CCL28: variants seen among roughly 807,000 people sequenced by gnomAD.
The protein encoded by CCL28 is C-C motif chemokine 28.
In CCL28, 4 loss-of-function variants were observed where a neutral mutation model predicts 7.1. That is an observed-to-expected ratio of 0.56 (90% CI 0.28 to 1.29). CCL28 has a LOEUF of 1.29. Ranked by LOEUF, CCL28 falls within the 50% of genes most tolerant of loss-of-function variation. CCL28 has a pLI of 0.11. For missense variants in CCL28, 151 were observed against 163.4 expected (o/e 0.92, Z 0.41); for synonymous variants, 55 against 57.8 (o/e 0.95, Z 0.22).
downstream of CCL28, among the ~76,000 whole-genome samples, chr5:43,371,926 G>C (rs11956635): frequency 6.6e-6 from 1 of 152,112 alleles, no homozygotes. Flanking sequence ...AGCATCTGCT[G>C]CTTTTGAGGA....
chr5:43,407,935 A>G (rs1741360873), intron 1 of CCL28, among the ~76,000 whole-genome samples: 1 of 152,234 alleles, frequency 6.6e-6, no homozygotes, highest in Non-Finnish European at 1.5e-5. Flanking sequence ...CAAAACCACA[A>G]TGAGATACCA....
downstream of CCL28, among the ~76,000 whole-genome samples, chr5:43,372,731 A>C (rs1033794401): frequency 6.6e-6 from 1 of 150,458 alleles, no homozygotes; most frequent in African/African-American, 2.4e-5. Flanking sequence ...GTTGATGGAC[A>C]CTTAGGTAGT....
chr5:43,386,254 T>G (rs896647622), intron 2 of CCL28, among the ~76,000 whole-genome samples: 2 of 152,228 alleles, frequency 1.3e-5, no homozygotes, highest in Non-Finnish European at 2.9e-5. Context: ...TTTTTTACTT[T>G]CCAACTATTA....
chr5:43,410,940 G>A (rs1026663183), intron 1 of CCL28, among the ~76,000 whole-genome samples: 1 of 152,200 alleles, frequency 6.6e-6, no homozygotes, highest in Non-Finnish European at 1.5e-5. Flanking sequence ...AGATTGTCCA[G>A]GTTTTTTCTG....
chr5:43,407,970 C>T (rs1261151211), intron 1 of CCL28, among the ~76,000 whole-genome samples: 1 of 152,164 alleles, frequency 6.6e-6, no homozygotes, highest in Non-Finnish European at 1.5e-5. Flanking sequence ...GAATGGCAAT[C>T]ATTCAAAAGT....
the CCL28 span, among the ~76,000 whole-genome samples, chr5:43,357,413 G>A: frequency 6.6e-6 from 1 of 152,166 alleles, no homozygotes; most frequent in African/African-American, 2.4e-5. Flanking sequence ...CAATTTCAGT[G>A]CAGGGAAGAA....
Position 43,381,756 on chromosome 5 carries a change from T to G in CCL28, c.*104A>C, listed in dbSNP as rs1740124343. ...ATTTTTTAAAAACCAATATTTTGTT[T>G]TGTTCTGTTGTCTACAATAAGGAGA... On this transcript the variant is annotated 3_prime_UTR_variant, in exon 3 of 3. Coordinates refer to ENST00000361115, the MANE Select transcript of CCL28 (RefSeq NM_148672.3). 1 of 958,112 alleles carries G rather than the reference T, an allele frequency of 1.0e-6. No individual in the cohort carries two copies. Among genetic ancestry groups the G allele is most frequent in the East Asian group, 2.5e-5 (1 of 40,504 alleles). The allele number at this position is 958,112 out of a possible 1,614,324, so 59.4% of individuals were successfully genotyped here.
intron 1 of CCL28, among the ~76,000 whole-genome samples, chr5:43,397,724 T>C (rs1740870656): frequency 6.6e-6 from 1 of 152,222 alleles, no homozygotes; most frequent in African/African-American, 2.4e-5. Flanking sequence ...GCCCTAGAGA[T>C]AGCTTTTCTG....
downstream of CCL28, among the ~76,000 whole-genome samples, chr5:43,374,774 C>T (rs1165340613): frequency 9.1e-6 from 1 of 109,994 alleles, no homozygotes; most frequent in African/African-American, 3.7e-5. Flanking sequence ...GAGTGAGACT[C>T]TGTCTCAAAA....
intron 1 of CCL28, among the ~76,000 whole-genome samples, chr5:43,403,361 C>T (rs968724514): frequency 3.3e-5 from 5 of 152,318 alleles, no homozygotes; most frequent in Middle Eastern, 3.4e-3. Context: ...GCAATATTTG[C>T]TGTTCTGCAG....
chr5:43,382,057 T>G lies in CCL28; in HGVS notation c.192-5A>C. The G allele has an allele frequency of 6.3e-7, 1 of 1,599,050 alleles. No individual in the cohort carries two copies. The highest frequency in any genetic ancestry group is 8.5e-7 in the Non-Finnish European group (1 of 1,172,466). ...CTTCTGCGCTTGACATGAAGGCTGT[T>G]AGAAAAGGAAGCAAAAGAAAGTCAC... On this transcript the variant is annotated splice_polypyrimidine_tract_variant and splice_region_variant and intron_variant, in intron 2 of 2. Transcript: ENST00000361115.
At chr5:43,374,586 G>T (rs182219770), downstream of CCL28, among the ~76,000 whole-genome samples, 86 of 152,174 alleles carry the variant, frequency 5.7e-4, no homozygotes, top group African/African-American at 1.6e-3. Flanking sequence ...TTCAAGACCA[G>T]CCTGACCAAC....
At chr5:43,391,827 A>T (rs1740584249) in intron 1 of CCL28, among the ~76,000 whole-genome samples, 1 of 152,240 alleles carries the variant, frequency 6.6e-6, no homozygotes, top group African/African-American at 2.4e-5. Context: ...CCATTTTATA[A>T]ATGGGTAATA....
At chr5:43,382,189 G>A in intron 2 of CCL28, 137 bp from the exon 3 acceptor site, 1 of 771,568 alleles carries the variant, frequency 1.3e-6, no homozygotes, top group Admixed American at 3.2e-5. Flanking sequence ...TGAATTAAGT[G>A]TAGAAATGAA....
chr5:43,361,750 C>T, the CCL28 span, among the ~76,000 whole-genome samples: 17 of 151,986 alleles, frequency 1.1e-4, no homozygotes, highest in African/African-American at 4.1e-4. Context: ...TAGGGAGTCC[C>T]TTCCTCATTG....
intron 1 of CCL28, among the ~76,000 whole-genome samples, chr5:43,410,334 G>A (rs903560391): frequency 2.6e-5 from 4 of 152,198 alleles, no homozygotes; most frequent in Non-Finnish European, 5.9e-5. Flanking sequence ...TTCCACGACT[G>A]TTCTCAGGCC....
At chr5:43,402,731 T>C (rs1255821140) in intron 1 of CCL28, among the ~76,000 whole-genome samples, 1 of 152,178 alleles carries the variant, frequency 6.6e-6, no homozygotes, top group Non-Finnish European at 1.5e-5. Flanking sequence ...ACCCAGGAAG[T>C]GCAAGGGGTC....
downstream of CCL28, chr5:43,377,038 A>G (rs1467685846): frequency 3.3e-5 from 5 of 152,250 alleles, no homozygotes; most frequent in East Asian, 9.6e-4. Flanking sequence ...GTCAGCAAGC[A>G]AAGTGACCTA....
intron 1 of CCL28, among the ~76,000 whole-genome samples, chr5:43,406,795 T>A (rs1400777198): frequency 6.6e-6 from 1 of 152,230 alleles, no homozygotes; most frequent in Non-Finnish European, 1.5e-5. Context: ...TTCAGCAGTC[T>A]CAGGATACAA....
Sources: gnomAD v4.1 joint callset for allele counts (sites outside exome capture counted in the v4.1 genomes callset) on GRCh38, gnomAD v4.1.1 for gene constraint, MANE v1.5 for transcripts, NCBI Gene and HGNC (gene_info 2026-07-23, HGNC 2026-07-21) for gene names.